The following TTC28 variants were observed in gnomAD, a reference collection of about 807,000 sequenced individuals.
The protein encoded by TTC28 is tetratricopeptide repeat protein 28.
Under a neutral mutation model 198.0 loss-of-function variants are expected in TTC28, and 61 were observed. The observed-to-expected ratio is 0.31, with a 90% CI of 0.25 to 0.38. The LOEUF (loss-of-function observed/expected upper bound fraction) is 0.38, where lower values mean the gene tolerates loss of function less well. Ranked by LOEUF, TTC28 falls within the 10% of genes least tolerant of loss-of-function variation. The probability of loss-of-function intolerance (pLI) is 1.00; values close to 1 mark genes in which losing one functional copy is unlikely to be tolerated. For synonymous variants in TTC28, 1,171 were observed against 1,297.8 expected (o/e 0.90, Z 2.10); for missense variants, 2,678 against 3,164.0 (o/e 0.85, Z 3.69).
At chr22:28,285,664 C>T (rs945141498) in intron 5 of TTC28, among the ~76,000 whole-genome samples, 1 of 152,134 alleles carries the variant, frequency 6.6e-6, no homozygotes, top group Non-Finnish European at 1.5e-5. Context: ...AAAACAATTA[C>T]ATTGTACACC....
intron 2 of TTC28, among the ~76,000 whole-genome samples, chr22:28,387,078 G>A (rs2046617918): frequency 6.6e-6 from 1 of 151,850 alleles, no homozygotes; most frequent in African/African-American, 2.4e-5. Flanking sequence ...CCACCTATGA[G>A]TGAGAATATG....
At chr22:28,538,450 G>T (rs906183024) in intron 2 of TTC28, among the ~76,000 whole-genome samples, 1 of 151,870 alleles carries the variant, frequency 6.6e-6, no homozygotes, top group Admixed American at 6.6e-5. Flanking sequence ...CTGGTAATGC[G>T]TGTTGCCTTT....
intron 5 of TTC28, among the ~76,000 whole-genome samples, chr22:28,219,831 T>G (rs913841561): frequency 2.0e-5 from 3 of 152,248 alleles, no homozygotes; most frequent in Admixed American, 2.0e-4. Flanking sequence ...TAAACCTTTG[T>G]GAAGTGTCTC....
At chr22:28,104,964 T>A (rs1942252897) in intron 8 of TTC28, among the ~76,000 whole-genome samples, 1 of 152,068 alleles carries the variant, frequency 6.6e-6, no homozygotes, top group South Asian at 2.1e-4. Flanking sequence ...CCTCAGAGGG[T>A]TCTGAAAAGC....
chr22:28,103,849 T>C (rs1653464548), intron 8 of TTC28, among the ~76,000 whole-genome samples: 1 of 152,228 alleles, frequency 6.6e-6, no homozygotes, highest in Non-Finnish European at 1.5e-5. Context: ...AGTTGTCATA[T>C]GACTGAATTT....
intron 5 of TTC28, among the ~76,000 whole-genome samples, chr22:28,244,987 A>G (rs1017008911): frequency 4.6e-5 from 7 of 152,216 alleles, no homozygotes; most frequent in Admixed American, 2.6e-4. Flanking sequence ...TACAAGCAAG[A>G]TAAGTTCAAG....
In TTC28 at chr22:27,982,469, G is replaced by A. The variant is rs887923226; in HGVS notation, c.7198C>T (p.Arg2400Trp). The change falls in exon 23 of 23, where the codon CGG becomes TGG. Residue 2400 changes from arginine (R) to tryptophan (W), a missense_variant. By Grantham distance (101) the Arg-to-Trp change is moderately radical (BLOSUM62 -3). Transcript: ENST00000397906. This position sits in a 1 kb window ranked among gnomAD's most constrained non-coding sequence, Gnocchi z 5.2. Reference protein sequence around the residue: ...DVLSLLNLSPRHNKKEEGVDK... With the variant: ...DVLSLLNLSPWHNKKEEGVDK... The stretch of plus-strand genomic sequence containing the variant: ...ACTCCCTCCTCCTTCTTATTGTGCC[G>A]TGGTGACAAATTCAACAGACTGAGG... The A allele has an allele frequency of 1.9e-5, 29 of 1,551,454 alleles. No individual in the cohort carries two copies. The highest frequency in any genetic ancestry group is 1.4e-4 in the Admixed American group (7 of 50,968).
chr22:28,027,002 A>C (rs1019948726), intron 13 of TTC28, among the ~76,000 whole-genome samples: 7 of 152,186 alleles, frequency 4.6e-5, no homozygotes, highest in African/African-American at 1.7e-4. Context: ...ATGCAGTCAA[A>C]AGCCTGTCCT....
intron 5 of TTC28, among the ~76,000 whole-genome samples, chr22:28,292,255 T>C (rs1390089105): frequency 6.6e-6 from 1 of 152,194 alleles, no homozygotes; most frequent in East Asian, 1.9e-4. Flanking sequence ...TGGTGTGAAC[T>C]TGGCCCACTG....
chr22:28,096,197 A>C lies in TTC28; in HGVS notation c.3759T>G (p.Pro1253=), dbSNP rs1490191247. 2.6e-6 allele frequency: 4 copies of C among 1,543,686 alleles called. No individual in the cohort carries two copies. The highest frequency in any genetic ancestry group is 2.6e-6 in the Non-Finnish European group (3 of 1,141,554). The change falls in exon 11 of 23, where the codon CCT becomes CCG. Residue 1253 remains proline (P), a synonymous_variant. Coordinates refer to ENST00000397906, the MANE Select transcript of TTC28 (RefSeq NM_001145418.2). ...CACAGAAAGAGATCTTACCTGCCCC[A>C]GGAGCCAGCAGCCAGCTATACAGAT... ...AGYLYSWLLA[P]GAGIVKFHEH...
chr22:28,408,082 T>C (rs539825815), intron 2 of TTC28, among the ~76,000 whole-genome samples: 7 of 152,346 alleles, frequency 4.6e-5, no homozygotes, highest in Non-Finnish European at 1.0e-4. Context: ...TTCTCCTTTT[T>C]TATAAACACA....
At chr22:28,670,116 A>G (rs1427207239) in intron 1 of TTC28, among the ~76,000 whole-genome samples, 1 of 148,838 alleles carries the variant, frequency 6.7e-6, no homozygotes, top group Non-Finnish European at 1.5e-5. Flanking sequence ...GGGCAAATAA[A>G]GACTTTAATA....
intron 12 of TTC28, among the ~76,000 whole-genome samples, chr22:28,078,845 A>C (rs986379237): frequency 6.6e-6 from 1 of 152,160 alleles, no homozygotes; most frequent in Non-Finnish European, 1.5e-5. Flanking sequence ...AGAAGATAGG[A>C]ATTTGAAGGA....
chr22:28,611,399 G>C (rs190297797), intron 2 of TTC28, among the ~76,000 whole-genome samples: 4 of 152,210 alleles, frequency 2.6e-5, no homozygotes, highest in Admixed American at 2.0e-4. Context: ...GAACAGAGTG[G>C]GGGCCAATAT....
intron 5 of TTC28, among the ~76,000 whole-genome samples, chr22:28,269,693 G>T (rs747927389): frequency 6.6e-5 from 10 of 152,186 alleles, no homozygotes; most frequent in Non-Finnish European, 1.3e-4. Context: ...TGCAAGGATG[G>T]TTTATTGGGA....
intron 2 of TTC28, among the ~76,000 whole-genome samples, chr22:28,466,295 G>C (rs540538053): frequency 6.6e-6 from 1 of 152,274 alleles, no homozygotes; most frequent in South Asian, 2.1e-4. Context: ...ATCATCCTGG[G>C]AATGCCAAGA....
intron 6 of TTC28, among the ~76,000 whole-genome samples, chr22:28,136,195 A>G (rs1465113055): frequency 6.6e-6 from 1 of 152,152 alleles, no homozygotes; most frequent in African/African-American, 2.4e-5. Flanking sequence ...CTCAGGCTAG[A>G]GTTCAGTGGT....
chr22:28,656,327 T>C (rs1388266665), intron 1 of TTC28, among the ~76,000 whole-genome samples: 1 of 152,208 alleles, frequency 6.6e-6, no homozygotes, highest in African/African-American at 2.4e-5. Flanking sequence ...AGGAAGGTAC[T>C]GCTGCTGCAG....
intron 2 of TTC28, among the ~76,000 whole-genome samples, chr22:28,391,062 G>C (rs1311213004): frequency 6.6e-6 from 1 of 151,994 alleles, no homozygotes; most frequent in Non-Finnish European, 1.5e-5. Flanking sequence ...CTCAGCATTT[G>C]CTTGTCTGTA....
Sources: allele counts gnomAD v4.1 joint callset (sites outside exome capture counted in the v4.1 genomes callset), GRCh38; gene constraint gnomAD v4.1.1; non-coding constraint Gnocchi (gnomAD v3.1); transcripts MANE v1.5; gene names NCBI Gene and HGNC (gene_info 2026-07-23, HGNC 2026-07-21).